DNAH5: variants seen among roughly 807,000 people sequenced by gnomAD.
DNAH5 encodes dynein axonemal heavy chain 5.
In DNAH5, 372 loss-of-function variants were observed where a neutral mutation model predicts 518.2. The observed-to-expected ratio is 0.72, with a 90% confidence interval of 0.66 to 0.78. The LOEUF is 0.78. DNAH5 is among the 30% of genes least tolerant of loss of function. The pLI is 0.00. For synonymous variants in DNAH5, 2,039 were observed against 2,025.9 expected, an observed-to-expected ratio of 1.01 and a Z score of -0.17; for missense variants, 5,523 against 5,687.0, an observed-to-expected ratio of 0.97 and a Z score of 0.93.
At chr5:13,932,251 G>A (rs952698872) in intron 1 of DNAH5, 2 of 152,230 alleles carry the variant, frequency 1.3e-5, no homozygotes, top group African/African-American at 4.8e-5. Flanking sequence ...AGTTGCCACA[G>A]AGGCATCAGA....
intron 5 of DNAH5, among the ~76,000 whole-genome samples, chr5:13,921,469 T>G (rs1777263332): frequency 1.7e-5 from 1 of 58,606 alleles, no homozygotes; most frequent in Non-Finnish European, 3.6e-5. Context: ...TTGCTCTATC[T>G]CTCTCTCACA....
intron 22 of DNAH5, among the ~76,000 whole-genome samples, chr5:13,875,696 T>C (rs944513234): frequency 2.0e-5 from 3 of 152,186 alleles, no homozygotes; most frequent in Non-Finnish European, 2.9e-5. Context: ...TCATTCAGTA[T>C]AGAGCTTAAT....
intron 22 of DNAH5, among the ~76,000 whole-genome samples, chr5:13,872,113 T>A (rs749144330): frequency 6.6e-6 from 1 of 152,248 alleles, no homozygotes; most frequent in East Asian, 1.9e-4. Context: ...GAAGGTGCTA[T>A]GAAAAACATA....
chr5:13,817,023 C>T lies in DNAH5; in HGVS notation c.6988+525G>A, dbSNP rs568059276. 1.6e-4 allele frequency among the ~76,000 whole-genome samples: 25 copies of T among 152,266 alleles called. No homozygotes were observed. The East Asian group carries it at 2.7e-3, about 16-fold the overall frequency. On this transcript the variant is annotated intron_variant, in intron 42 of 78. Coordinates refer to ENST00000265104, the MANE Select transcript of DNAH5 (RefSeq NM_001369.3). ...AAGTGAGGGACTATTCAGACTGAACCGCTAGCCCTTAATGAGTTTGTTTAA... is the reference window on the plus strand; with the variant it reads ...AAGTGAGGGACTATTCAGACTGAACTGCTAGCCCTTAATGAGTTTGTTTAA...
intron 30 of DNAH5, among the ~76,000 whole-genome samples, chr5:13,853,620 C>T (rs1019900904): frequency 6.6e-6 from 1 of 151,922 alleles, no homozygotes; most frequent in Non-Finnish European, 1.5e-5. Context: ...AGCTGAGAAC[C>T]TTGATAAAAG....
intron 1 of DNAH5, among the ~76,000 whole-genome samples, chr5:13,940,605 C>T (rs370777989): frequency 7.9e-5 from 12 of 152,208 alleles, no homozygotes; most frequent in African/African-American, 2.9e-4. Flanking sequence ...GGTGCGGGGC[C>T]CAGGCACCGG....
intron 68 of DNAH5, among the ~76,000 whole-genome samples, chr5:13,730,380 A>G (rs1439701962): frequency 1.3e-5 from 2 of 152,256 alleles, no homozygotes; most frequent in Non-Finnish European, 2.9e-5. Flanking sequence ...ATACTATTTA[A>G]TAAATAACAT....
chr5:13,737,201 C>A, intron 66 of DNAH5, 51 bp downstream of exon 66: 1 of 1,611,152 alleles, frequency 6.2e-7, no homozygotes, highest in African/African-American at 1.3e-5. Flanking sequence ...AATTCTCATT[C>A]CTCTCTCATT....
intron 15 of DNAH5, chr5:13,898,488 A>G: frequency 2.5e-6 from 1 of 398,562 alleles, no homozygotes; most frequent in Non-Finnish European, 4.4e-6. Context: ...ATGTCTGTCC[A>G]TTGCCAATAC....
chr5:13,901,223 A>T, intron 14 of DNAH5, 29 bp downstream of exon 14: 1 of 1,606,688 alleles, frequency 6.2e-7, no homozygotes, highest in Admixed American at 1.7e-5. Flanking sequence ...GATTCCAACA[A>T]TGGGAAGAGT....
intron 1 of DNAH5, among the ~76,000 whole-genome samples, chr5:13,981,036 C>T (rs1180571304): frequency 1.3e-5 from 2 of 152,200 alleles, no homozygotes; most frequent in African/African-American, 2.4e-5. Context: ...AAGTAGCAAG[C>T]CCTGACTCCC....
intron 30 of DNAH5, among the ~76,000 whole-genome samples, chr5:13,853,488 C>G (rs972275480): frequency 2.0e-5 from 3 of 152,036 alleles, no homozygotes; most frequent in African/African-American, 7.2e-5. Context: ...CAACTCCTCG[C>G]CAGCAAGGGA....
intron 47 of DNAH5, among the ~76,000 whole-genome samples, chr5:13,797,358 AAAAC>A (rs1488620411): frequency 2.6e-5 from 4 of 152,322 alleles, no homozygotes; most frequent in South Asian, 2.1e-4. Flanking sequence ...TTTACAAGAA[AAAAC>A]AAACAAACAA....
intron 75 of DNAH5, among the ~76,000 whole-genome samples, chr5:13,710,156 C>T (rs1277896153): frequency 6.6e-6 from 1 of 152,122 alleles, no homozygotes; most frequent in Non-Finnish European, 1.5e-5. Context: ...CAGAAAACCC[C>T]CAGTACCAGC....
intron 16 of DNAH5, among the ~76,000 whole-genome samples, chr5:13,892,934 T>C (rs565860608): frequency 5.9e-5 from 9 of 152,218 alleles, no homozygotes; most frequent in Non-Finnish European, 1.3e-4. Context: ...TTGATATTCA[T>C]TCATATTCAA....
rs1561465310 is a variant in DNAH5, at chr5:13,866,223, A to C, written c.4113T>G (p.Phe1371Leu). 6.2e-7 allele frequency: 1 copy of C among 1,613,520 alleles called. No homozygotes were observed. Among genetic ancestry groups the C allele is most frequent in the Non-Finnish European group, 8.5e-7 (1 of 1,179,624 alleles). ...TCATAGAAACTAAAAAGATTACCTG[A>C]AACATGATAAGCCTGTCACTGGCTT... Reference protein sequence around the residue: ...PQEASDRLIMFQNQFDNIYRK... With the variant: ...PQEASDRLIMLQNQFDNIYRK... Residue 1371 changes from phenylalanine (F) to leucine (L), a missense_variant, in exon 26 of 79, where the codon TTT (phenylalanine) becomes TTG (leucine). By Grantham distance (22) the Phe-to-Leu change is conservative (BLOSUM62 0). Coordinates refer to ENST00000265104, the MANE Select transcript of DNAH5 (RefSeq NM_001369.3).
chr5:13,732,979 T>C (rs976636996), intron 68 of DNAH5, among the ~76,000 whole-genome samples: 1 of 152,164 alleles, frequency 6.6e-6, no homozygotes, highest in African/African-American at 2.4e-5. Context: ...CATAAAGCAG[T>C]GTTACAAACA....
chr5:13,935,968 A>G (rs1425908441), intron 1 of DNAH5, among the ~76,000 whole-genome samples: 1 of 152,216 alleles, frequency 6.6e-6, no homozygotes, highest in Non-Finnish European at 1.5e-5. Flanking sequence ...ATGGCCAGAA[A>G]TCTATTCAAT....
chr5:13,836,140 G>T (rs10058946), intron 35 of DNAH5, among the ~76,000 whole-genome samples: 62,795 of 151,872 alleles, frequency 0.41, 13,391 homozygotes, highest in East Asian at 0.6. Flanking sequence ...CTTCCCCCCA[G>T]CATTCTGATA....
Sources: allele counts gnomAD v4.1 joint callset (sites outside exome capture counted in the v4.1 genomes callset), GRCh38; gene constraint gnomAD v4.1.1; transcripts MANE v1.5; gene names NCBI Gene and HGNC (gene_info 2026-07-23, HGNC 2026-07-21).